Variants in ADCY2 observed in about 807,000 individuals in gnomAD.
ADCY2 encodes adenylate cyclase type 2.
Under a neutral mutation model 125.2 loss-of-function variants are expected in ADCY2, and 31 were observed. The ratio of observed to expected loss-of-function variants is 0.25; its 90% CI spans 0.19 to 0.33. ADCY2 has a LOEUF of 0.33. Ranked by LOEUF, ADCY2 falls within the 10% of genes least tolerant of loss-of-function variation. ADCY2 has a pLI of 1.00. For synonymous variants in ADCY2, 512 were observed against 548.4 expected (o/e 0.93, Z 0.93); for missense variants, 904 against 1,418.2 (o/e 0.64, Z 5.82).
chr5:7,470,279 T>G (rs1302844333), intron 2 of ADCY2, among the ~76,000 whole-genome samples: 1 of 151,694 alleles, frequency 6.6e-6, no homozygotes, highest in African/African-American at 2.4e-5. Context: ...AGGATAGTGG[T>G]TGTTGATTGT....
intron 4 of ADCY2, among the ~76,000 whole-genome samples, chr5:7,684,180 C>T (rs538331490): frequency 1.3e-3 from 193 of 152,270 alleles, no homozygotes; most frequent in African/African-American, 4.3e-3. Flanking sequence ...GTGAGTGTGG[C>T]GGTCATGTTT....
chr5:7,723,660 C>T (rs1047724609), intron 12 of ADCY2, among the ~76,000 whole-genome samples: 8 of 152,096 alleles, frequency 5.3e-5, no homozygotes, highest in African/African-American at 9.7e-5. Context: ...CGGTGGCTCA[C>T]GCCTGTTATC....
rs76650362 is a variant in ADCY2, at chr5:7,587,768, G to A, written c.571-38399G>A. Among the ~76,000 whole-genome samples the A allele has an allele frequency of 5.8e-3, 882 of 152,304 alleles. 1 individual carries two copies. The highest frequency in any genetic ancestry group is 9.0e-3 in the Non-Finnish European group (612 of 68,022). The stretch of plus-strand genomic sequence containing the variant: ...TATGGACAAGTAAGGGAAAGATTTG[G>A]AGAAGGAGCAAATAAAGGAGAACAT... On this transcript the variant is annotated intron_variant, in intron 3 of 24. Coordinates refer to ENST00000338316, the MANE Select transcript of ADCY2 (RefSeq NM_020546.3).
intron 3 of ADCY2, among the ~76,000 whole-genome samples, chr5:7,585,708 A>G (rs902177804): frequency 6.6e-6 from 1 of 152,220 alleles, no homozygotes; most frequent in Non-Finnish European, 1.5e-5. Flanking sequence ...TCCCTTCCCC[A>G]GAATTCAGCT....
At chr5:7,654,310 C>T (rs1445489510) in intron 4 of ADCY2, 3 of 363,786 alleles carry the variant, frequency 8.2e-6, no homozygotes, top group East Asian at 7.3e-5. Context: ...GGAGAAGCCT[C>T]ACTGCAGCAC....
intron 18 of ADCY2, among the ~76,000 whole-genome samples, chr5:7,778,424 C>T (rs1001665089): frequency 1.3e-5 from 2 of 152,168 alleles, no homozygotes; most frequent in African/African-American, 4.8e-5. Context: ...TCCCTAAAGA[C>T]CAATTAGTTC....
At chr5:7,427,748 G>C (rs1011123889) in intron 2 of ADCY2, among the ~76,000 whole-genome samples, 6 of 152,068 alleles carry the variant, frequency 3.9e-5, no homozygotes, top group African/African-American at 1.2e-4. Context: ...TCTTTGTTTT[G>C]GTGGGGAAGG....
At position 7,820,754 on chromosome 5, in the gene ADCY2, A is replaced by C. The variant is rs149378571; in HGVS notation, c.3123+65A>C. 172 of 1,526,290 alleles carry C rather than the reference A, an allele frequency of 1.1e-4. No homozygotes were observed. In the African/African-American group the frequency reaches 2.0e-3, roughly 17 times the overall value. 94.5% of individuals were successfully genotyped at this position (1,526,290 alleles called of 1,614,324 possible). A position where few individuals can be genotyped will look rare whatever the true frequency, so the allele number is the denominator to read the frequency against. On this transcript the variant is annotated intron_variant, in intron 24 of 24. Coordinates refer to ENST00000338316, the MANE Select transcript of ADCY2 (RefSeq NM_020546.3). Reference sequence around the variant, plus strand: ...GTCTGTTCTCTTGGGAACCATAAATAAGTATAATAAGGATACTAATATATT... The same window carrying C: ...GTCTGTTCTCTTGGGAACCATAAATCAGTATAATAAGGATACTAATATATT...
chr5:7,638,610 G>T (rs1738585834), intron 4 of ADCY2, among the ~76,000 whole-genome samples: 1 of 152,214 alleles, frequency 6.6e-6, no homozygotes, highest in African/African-American at 2.4e-5. Flanking sequence ...AGAAGTCTTA[G>T]CACAGACTCT....
intron 3 of ADCY2, among the ~76,000 whole-genome samples, chr5:7,603,806 T>G: frequency 1.4e-5 from 2 of 141,548 alleles, no homozygotes; most frequent in African/African-American, 5.6e-5. Context: ...TTTTTTTTTT[T>G]TTTCTTTTGT....
rs547708614 is a variant in ADCY2, at chr5:7,406,599, G to T, written c.211-7974G>T. On this transcript the variant is annotated intron_variant, in intron 1 of 24. Transcript: ENST00000338316. Reference sequence around the variant, plus strand: ...TTTTCTTCTGTTTTATGTGGCCTTTGAATCTTCCCCGGGAGGTCCTTCTTC... The same window carrying T: ...TTTTCTTCTGTTTTATGTGGCCTTTTAATCTTCCCCGGGAGGTCCTTCTTC... 2.5e-3 allele frequency among the ~76,000 whole-genome samples: 381 copies of T among 152,246 alleles called. 1 individual carries two copies. The highest frequency in any genetic ancestry group is 4.9e-3 in the Admixed American group (75 of 15,300).
At chr5:7,810,206 A>C (rs1744888736) in intron 22 of ADCY2, among the ~76,000 whole-genome samples, 1 of 152,192 alleles carries the variant, frequency 6.6e-6, no homozygotes, top group African/African-American at 2.4e-5. Context: ...GGTACTCCTG[A>C]AAATTGATGG....
chr5:7,578,541 GT>G (rs749569928), intron 3 of ADCY2, among the ~76,000 whole-genome samples: 18 of 152,024 alleles, frequency 1.2e-4, no homozygotes, highest in Non-Finnish European at 1.6e-4. Flanking sequence ...GCATTTTGTT[GT>G]TATGGTGGTG....
chr5:7,427,706 C>A (rs1032830676), intron 2 of ADCY2, among the ~76,000 whole-genome samples: 1 of 152,182 alleles, frequency 6.6e-6, no homozygotes, highest in Admixed American at 6.5e-5. Flanking sequence ...AGGTCACATT[C>A]TGAGGTTCTA....
chr5:7,823,531 G>A (rs1029189914), intron 24 of ADCY2, among the ~76,000 whole-genome samples: 3 of 152,096 alleles, frequency 2.0e-5, no homozygotes, highest in East Asian at 3.9e-4. Context: ...CATAAACATC[G>A]CTAGCCACTT....
intron 4 of ADCY2, among the ~76,000 whole-genome samples, chr5:7,671,668 A>T (rs558742623): frequency 6.6e-6 from 1 of 152,330 alleles, no homozygotes; most frequent in South Asian, 2.1e-4. Flanking sequence ...TTTCTCACAC[A>T]AATTACTGGT....
At chr5:7,589,388 A>G (rs1298512180) in intron 3 of ADCY2, among the ~76,000 whole-genome samples, 2 of 145,756 alleles carry the variant, frequency 1.4e-5, no homozygotes, top group East Asian at 2.2e-4. Context: ...GCAAAAAAAA[A>G]GAAAGAAAGA....
intron 3 of ADCY2, chr5:7,522,378 T>A (rs1011400508): frequency 6.6e-6 from 1 of 151,758 alleles, no homozygotes; most frequent in Non-Finnish European, 1.5e-5. Context: ...ACCCTTCTAC[T>A]CAAAAGAACA....
In ADCY2 at chr5:7,459,772, A is replaced by ATTTTTTTTTTTTTTTT. The variant is rs3033085; in HGVS notation, c.408+45020_408+45035dup. On this transcript the variant is annotated intron_variant, in intron 2 of 24. Transcript: ENST00000338316. The stretch of plus-strand genomic sequence containing the variant: ...GAACTATCTAGCAGTTTAAGAGGTA[A>ATTTTTTTTTTTTTTTT]TTTTTTTTTTTTTTTTTTTTTTTTT... 1.2e-4 allele frequency among the ~76,000 whole-genome samples: 9 copies of ATTTTTTTTTTTTTTTT among 72,862 alleles called. 1 individual carries two copies. Among genetic ancestry groups the ATTTTTTTTTTTTTTTT allele is most frequent in the African/African-American group, 4.3e-4 (7 of 16,348 alleles). The allele number at this position is 72,862 out of a possible 152,430, so 47.8% of individuals were successfully genotyped here.
Sources: gnomAD v4.1 joint callset for allele counts (sites outside exome capture counted in the v4.1 genomes callset) on GRCh38, gnomAD v4.1.1 for gene constraint, MANE v1.5 for transcripts, NCBI Gene and HGNC (gene_info 2026-07-23, HGNC 2026-07-21) for gene names.